The following RFX3 variants were observed in gnomAD, a reference collection of about 807,000 sequenced individuals.
RFX3 encodes transcription factor RFX3.
Under a neutral mutation model 98.6 loss-of-function variants are expected in RFX3, and 14 were observed. The observed-to-expected ratio is 0.14, with a 90% CI of 0.09 to 0.22. The LOEUF (loss-of-function observed/expected upper bound fraction) is 0.22. Among genes scored for constraint, RFX3 ranks in the 10% least tolerant of loss-of-function variants. The pLI, the probability that RFX3 is intolerant of heterozygous loss-of-function variation, is 1.00. For missense variants in RFX3, 639 were observed against 926.9 expected, an observed-to-expected ratio of 0.69 and a Z score of 4.03; for synonymous variants, 383 against 328.4, an observed-to-expected ratio of 1.17 and a Z score of -1.80.
At chr9:3,355,382 C>G (rs188647496) in intron 2 of RFX3, among the ~76,000 whole-genome samples, 1 of 151,256 alleles carries the variant, frequency 6.6e-6, no homozygotes, top group Non-Finnish European at 1.5e-5. Flanking sequence ...CTTGCAAATG[C>G]CAATTATAAG....
intron 15 of RFX3, among the ~76,000 whole-genome samples, chr9:3,244,106 A>G (rs1190469693): frequency 1.3e-5 from 2 of 151,806 alleles, no homozygotes; most frequent in Non-Finnish European, 2.9e-5. Flanking sequence ...GGTTCAAGCA[A>G]TTCTCCTGGT....
intron 2 of RFX3, among the ~76,000 whole-genome samples, chr9:3,350,802 G>A (rs1326151548): frequency 6.6e-6 from 1 of 152,056 alleles, no homozygotes; most frequent in African/African-American, 2.4e-5. Flanking sequence ...TGACATGAGA[G>A]AACTTGAATG....
chr9:3,448,520 TA>T (rs1190285778), intron 1 of RFX3, among the ~76,000 whole-genome samples: 1 of 151,268 alleles, frequency 6.6e-6, no homozygotes, highest in African/African-American at 2.4e-5. Context: ...TTTTCTTCTT[TA>T]AAAAAAAATA....
chr9:3,432,751 G>A (rs6476438), intron 1 of RFX3, among the ~76,000 whole-genome samples: 151,654 of 152,300 alleles, frequency 1, 75,505 homozygotes, highest in East Asian at 1. Flanking sequence ...GCCAGAAAAC[G>A]AAGTTAAATT....
intron 1 of RFX3, among the ~76,000 whole-genome samples, chr9:3,477,251 A>G (rs1849351576): frequency 6.6e-6 from 1 of 152,184 alleles, no homozygotes; most frequent in African/African-American, 2.4e-5. Context: ...CTATTTGTAC[A>G]TGTCTTTCAT....
At chr9:3,322,783 T>A (rs1486166186) in intron 4 of RFX3, among the ~76,000 whole-genome samples, 1 of 152,194 alleles carries the variant, frequency 6.6e-6, no homozygotes, top group African/African-American at 2.4e-5. Context: ...TTATTAGTTG[T>A]TATAGTTTTT....
intron 1 of RFX3, among the ~76,000 whole-genome samples, chr9:3,476,696 T>C (rs1451209681): frequency 6.6e-6 from 1 of 152,224 alleles, no homozygotes; most frequent in African/African-American, 2.4e-5. Context: ...TTTATAAGAA[T>C]TGCTTTATTC....
intron 1 of RFX3, among the ~76,000 whole-genome samples, chr9:3,450,941 AC>A (rs1381696673): frequency 1.3e-5 from 2 of 152,202 alleles, no homozygotes; most frequent in African/African-American, 4.8e-5. Flanking sequence ...TGCAATTACA[AC>A]TGGCACCCAG....
intron 14 of RFX3, among the ~76,000 whole-genome samples, chr9:3,248,393 C>T (rs1302025684): frequency 1.3e-5 from 2 of 152,112 alleles, no homozygotes; most frequent in African/African-American, 4.8e-5. Flanking sequence ...AGACTTGATC[C>T]TTATTCAAGA....
chr9:3,328,100 G>A (rs1376648709), intron 4 of RFX3, among the ~76,000 whole-genome samples: 1 of 152,086 alleles, frequency 6.6e-6, no homozygotes, highest in Non-Finnish European at 1.5e-5. Context: ...GAAAGGAATG[G>A]GGTTTCGAAG....
chr9:3,266,866 A>C (rs181655022), intron 11 of RFX3, among the ~76,000 whole-genome samples: 1 of 152,040 alleles, frequency 6.6e-6, no homozygotes, highest in Non-Finnish European at 1.5e-5. Context: ...TTTTTGGGCA[A>C]TTATTTTCCA....
At chr9:3,334,762 C>A (rs2986679) in intron 3 of RFX3, among the ~76,000 whole-genome samples, 1 of 151,918 alleles carries the variant, frequency 6.6e-6, no homozygotes, top group East Asian at 1.9e-4. Context: ...GACAAAAATA[C>A]ACTTGCAGTT....
rs542179237 is a variant in RFX3, at chr9:3,322,336, A to G, written c.474+7923T>C. ...TTCAGCAATTGGATCTTGCACACTTATTATTAGTTTGTTGCCAGGCATTTT... is the reference window on the plus strand; with the variant it reads ...TTCAGCAATTGGATCTTGCACACTTGTTATTAGTTTGTTGCCAGGCATTTT... On this transcript the variant is annotated intron_variant, in intron 4 of 16. Transcript: ENST00000617270. Among the ~76,000 whole-genome samples, 17 of 152,218 alleles carry G rather than the reference A, an allele frequency of 1.1e-4. No individual in the cohort carries two copies. In the East Asian group the frequency reaches 1.7e-3, roughly 16 times the overall value.
At chr9:3,292,149 A>C (rs1448886861) in intron 6 of RFX3, among the ~76,000 whole-genome samples, 1 of 148,468 alleles carries the variant, frequency 6.7e-6, no homozygotes, top group Non-Finnish European at 1.5e-5. Context: ...AATTAAGGGT[A>C]TATCACCTAA....
intron 4 of RFX3, among the ~76,000 whole-genome samples, chr9:3,324,409 A>G (rs1831654805): frequency 6.6e-6 from 1 of 152,062 alleles, no homozygotes; most frequent in Admixed American, 6.6e-5. Flanking sequence ...CAATAATCCA[A>G]TATTATTTCA....
chr9:3,412,489 T>C (rs1842543961), intron 1 of RFX3, among the ~76,000 whole-genome samples: 1 of 152,216 alleles, frequency 6.6e-6, no homozygotes. Context: ...TTAATAAAGA[T>C]ATATTAATTC....
intron 5 of RFX3, 90 bp from the exon 6 acceptor site, chr9:3,293,348 T>C (rs1827616245): frequency 2.2e-6 from 2 of 899,356 alleles, no homozygotes; most frequent in African/African-American, 1.7e-5. Context: ...ACAGAAATAC[T>C]TAGAAGTTCT....
intron 1 of RFX3, among the ~76,000 whole-genome samples, chr9:3,396,566 T>C (rs1840903085): frequency 6.6e-6 from 1 of 152,224 alleles, no homozygotes; most frequent in Admixed American, 6.5e-5. Flanking sequence ...AGTAACGGGA[T>C]GGCTGGGTCA....
At chr9:3,459,950 G>A (rs1032855570) in intron 1 of RFX3, among the ~76,000 whole-genome samples, 3 of 151,894 alleles carry the variant, frequency 2.0e-5, no homozygotes, top group African/African-American at 4.8e-5. Context: ...TTTCTACTTC[G>A]TAATGTACGT....
Sources: allele counts gnomAD v4.1 joint callset (sites outside exome capture counted in the v4.1 genomes callset), GRCh38; gene constraint gnomAD v4.1.1; transcripts MANE v1.5; gene names NCBI Gene and HGNC (gene_info 2026-07-23, HGNC 2026-07-21).